EYS: variants seen among roughly 807,000 people sequenced by gnomAD.
The protein encoded by EYS is EGF-like photoreceptor maintenance factor, also known as protein eyes shut homolog.
Under a neutral mutation model 282.1 loss-of-function variants are expected in EYS, and 250 were observed. The observed-to-expected ratio is 0.89, with a 90% confidence interval of 0.80 to 0.98. EYS has a LOEUF of 0.98. Ranked by LOEUF, EYS falls within the 50% of genes least tolerant of loss-of-function variation. The pLI is 0.00. For missense variants in EYS, 4,016 were observed against 3,709.0 expected, an observed-to-expected ratio of 1.08 and a Z score of -2.15; for synonymous variants, 1,355 against 1,282.9, an observed-to-expected ratio of 1.06 and a Z score of -1.20.
At chr6:63,796,666 GCAAAGTCC>G (rs1291490182) in intron 37 of EYS, among the ~76,000 whole-genome samples, 1 of 152,090 alleles carries the variant, frequency 6.6e-6, no homozygotes, top group East Asian at 1.9e-4. Flanking sequence ...GCAGAGTTCA[GCAAAGTCC>G]CAAGTAGTAC....
At chr6:65,306,643 A>G (rs1216971167) in intron 11 of EYS, among the ~76,000 whole-genome samples, 3 of 150,750 alleles carry the variant, frequency 2.0e-5, no homozygotes, top group Non-Finnish European at 4.4e-5. Flanking sequence ...TGTGTTTTAA[A>G]TAAAACTGAT....
intron 41 of EYS, among the ~76,000 whole-genome samples, chr6:63,727,162 T>G (rs1193469047): frequency 6.6e-6 from 1 of 152,038 alleles, no homozygotes; most frequent in Non-Finnish European, 1.5e-5. Flanking sequence ...TGATTTTTTT[T>G]TTTGCTTCTG....
intron 5 of EYS, among the ~76,000 whole-genome samples, chr6:65,408,313 C>T (rs1173512818): frequency 6.6e-6 from 1 of 151,970 alleles, no homozygotes; most frequent in Non-Finnish European, 1.5e-5. Flanking sequence ...AGCATGACTT[C>T]AAAAGTGTTC....
chr6:65,414,043 G>A (rs1767131781), intron 5 of EYS, among the ~76,000 whole-genome samples: 1 of 152,014 alleles, frequency 6.6e-6, no homozygotes, highest in Non-Finnish European at 1.5e-5. Flanking sequence ...TTTATTACAA[G>A]CAAATAGAAT....
At chr6:65,481,612 G>A (rs896242314) in intron 5 of EYS, among the ~76,000 whole-genome samples, 33 of 152,146 alleles carry the variant, frequency 2.2e-4, no homozygotes, top group Non-Finnish European at 1.0e-4. Flanking sequence ...GCAGTGGCGC[G>A]ATCTCGGCTC....
At chr6:65,235,479 T>C (rs1043479703) in intron 12 of EYS, among the ~76,000 whole-genome samples, 2 of 152,168 alleles carry the variant, frequency 1.3e-5, no homozygotes, top group African/African-American at 4.8e-5. Flanking sequence ...TTTTATTCTA[T>C]AGTTATTTCA....
At position 63,726,642 on chromosome 6, in the gene EYS, A is replaced by G; in HGVS notation, c.8110T>C (p.Leu2704=). 1 of 1,551,296 alleles carries G rather than the reference A, an allele frequency of 6.4e-7. No individual in the cohort carries two copies. The highest frequency in any genetic ancestry group is 8.7e-7 in the Non-Finnish European group (1 of 1,146,742). Residue 2704 remains leucine (L), a synonymous_variant, in exon 42 of 43, where the codon TTA becomes CTA. Coordinates refer to ENST00000503581, the MANE Select transcript of EYS (RefSeq NM_001142800.2). ...AAGGAAGCAAAAGACATCCAGGATAACTCATTGCTTCTGAAAGATGGATCA... is the reference window on the plus strand; with the variant it reads ...AAGGAAGCAAAAGACATCCAGGATAGCTCATTGCTTCTGAAAGATGGATCA... ...ISDPSFRSNE[L]SWMSFASFHV... is the part of the protein sequence containing the mutation.
intron 12 of EYS, among the ~76,000 whole-genome samples, chr6:65,090,190 C>A (rs12214727): frequency 0.04 from 6,100 of 152,086 alleles, 184 homozygotes; most frequent in South Asian, 0.065. Flanking sequence ...AAGGGCAGGA[C>A]CAGGTGAAAG....
chr6:65,609,484 C>T (rs1390238213), intron 2 of EYS, among the ~76,000 whole-genome samples: 1 of 152,020 alleles, frequency 6.6e-6, no homozygotes, highest in Non-Finnish European at 1.5e-5. Flanking sequence ...AAAATATCAT[C>T]ACAATTGCAA....
At chr6:64,652,601 G>T (rs572627837) in intron 22 of EYS, among the ~76,000 whole-genome samples, 5 of 152,102 alleles carry the variant, frequency 3.3e-5, no homozygotes, top group Non-Finnish European at 7.4e-5. Flanking sequence ...AACCAGTCAC[G>T]CCATGCCTGA....
rs1252820425 is a variant in EYS, at chr6:64,921,148, TA to T, written c.2382-8406del. On this transcript the variant is annotated intron_variant, in intron 15 of 42. Coordinates refer to ENST00000503581, the MANE Select transcript of EYS (RefSeq NM_001142800.2). ...TAACATGTATTAAAACTATATACTCTAATTACTAATCACACATACTTAGTTC... is the reference window on the plus strand; with the variant it reads ...TAACATGTATTAAAACTATATACTCTATTACTAATCACACATACTTAGTTC... Among the ~76,000 whole-genome samples, 6 of 152,148 alleles carry T rather than the reference TA, an allele frequency of 3.9e-5. No individual in the cohort carries two copies. The South Asian group carries it at 1.0e-3, about 26-fold the overall frequency.
rs75209589 is a variant in EYS, at chr6:64,696,380, G to A, written c.3444-70135C>T. On this transcript the variant is annotated intron_variant, in intron 22 of 42. Transcript: ENST00000503581. ...GAAGTATGGAACTACATGAAATGAAGTAAATATATGAATCATATGTATTCC... is the reference window on the plus strand; with the variant it reads ...GAAGTATGGAACTACATGAAATGAAATAAATATATGAATCATATGTATTCC... Among the ~76,000 whole-genome samples the A allele has an allele frequency of 8.5e-5, 13 of 152,194 alleles. No homozygotes were observed. The East Asian group carries it at 2.5e-3, about 29-fold the overall frequency.
At chr6:64,292,420 A>T (rs750363321) in intron 30 of EYS, among the ~76,000 whole-genome samples, 121 of 152,234 alleles carry the variant, frequency 7.9e-4, no homozygotes, top group South Asian at 1.9e-3. Flanking sequence ...TCTTCATATG[A>T]TAAAAGAAAA....
Position 65,320,125 on chromosome 6 carries a change from G to C in EYS, c.1766+14855C>G, listed in dbSNP as rs543726858. Among the ~76,000 whole-genome samples, 427 of 151,952 alleles carry C rather than the reference G, an allele frequency of 2.8e-3. 1 individual carries two copies. Among genetic ancestry groups the C allele is most frequent in the Middle Eastern group, 0.01 (3 of 292 alleles). On this transcript the variant is annotated intron_variant, in intron 11 of 42. Transcript: ENST00000503581. ...AGGAATTAACTAGCGAGTTTAAGTG[G>C]AGCTGCCTAAGGATGCAATGCAGGA...
intron 32 of EYS, among the ~76,000 whole-genome samples, chr6:64,069,360 A>AAT (rs953631637): frequency 2.0e-5 from 3 of 151,834 alleles, no homozygotes; most frequent in Non-Finnish European, 2.9e-5. Flanking sequence ...TTATTTGTGG[A>AAT]ATATATATAT....
chr6:64,118,278 C>T (rs1191119683), intron 31 of EYS, among the ~76,000 whole-genome samples: 1 of 152,032 alleles, frequency 6.6e-6, no homozygotes, highest in Non-Finnish European at 1.5e-5. Flanking sequence ...CATGATTTGA[C>T]CTCAAAATAT....
intron 31 of EYS, among the ~76,000 whole-genome samples, chr6:64,181,089 T>A (rs1764776182): frequency 1.3e-5 from 2 of 152,108 alleles, no homozygotes; most frequent in South Asian, 4.1e-4. Context: ...AACTATATAA[T>A]CTTTTGAAGG....
chr6:65,466,079 T>G (rs1764988991), intron 5 of EYS, among the ~76,000 whole-genome samples: 1 of 152,082 alleles, frequency 6.6e-6, no homozygotes, highest in African/African-American at 2.4e-5. Flanking sequence ...AAAAACAATT[T>G]AGAAATTGCA....
intron 36 of EYS, among the ~76,000 whole-genome samples, chr6:63,852,104 C>A: frequency 7.4e-6 from 1 of 134,844 alleles, no homozygotes. Flanking sequence ...TTGCAGTGAG[C>A]CGAGATCCCG....
Sources: allele counts gnomAD v4.1 joint callset (sites outside exome capture counted in the v4.1 genomes callset), GRCh38; gene constraint gnomAD v4.1.1; transcripts MANE v1.5; gene names NCBI Gene and HGNC (gene_info 2026-07-23, HGNC 2026-07-21).